Variants in USP37 observed in about 807,000 individuals in gnomAD.
USP37 encodes the protein ubiquitin specific peptidase 37.
A neutral mutation model predicts 124.0 loss-of-function variants in USP37; 27 were observed. The observed-to-expected ratio is 0.22, with a 90% CI of 0.16 to 0.30. The LOEUF (loss-of-function observed/expected upper bound fraction) is 0.30, where lower values mean the gene tolerates loss of function less well. Among genes scored for constraint, USP37 ranks in the 10% least tolerant of loss-of-function variants. The pLI is 1.00. For missense variants in USP37, 889 were observed against 1,140.4 expected (o/e 0.78, Z 3.17); for synonymous variants, 365 against 388.0 (o/e 0.94, Z 0.70).
At chr2:218,531,639 G>A (rs1691334007) in intron 9 of USP37, among the ~76,000 whole-genome samples, 2 of 152,182 alleles carry the variant, frequency 1.3e-5, no homozygotes, top group South Asian at 4.1e-4. Context: ...GATGGAGCTA[G>A]GCAAAGTGAA....
At chr2:218,565,860 C>T (rs541165788) in intron 1 of USP37, among the ~76,000 whole-genome samples, 1 of 152,180 alleles carries the variant, frequency 6.6e-6, no homozygotes, top group South Asian at 2.1e-4. Context: ...ACCAGCCTGG[C>T]CAACATGGTG....
At chr2:218,537,002 C>A (rs1249413537) in intron 8 of USP37, among the ~76,000 whole-genome samples, 1 of 152,034 alleles carries the variant, frequency 6.6e-6, no homozygotes, top group African/African-American at 2.4e-5. Flanking sequence ...CACAATAGAT[C>A]GTATTGGGGT....
chr2:218,493,210 T>C (rs1365717477), intron 14 of USP37, among the ~76,000 whole-genome samples: 1 of 152,156 alleles, frequency 6.6e-6, no homozygotes, highest in Non-Finnish European at 1.5e-5. Context: ...GTAATGTGTG[T>C]GGAATCTTCC....
chr2:218,510,295 C>T (rs514356), intron 10 of USP37, among the ~76,000 whole-genome samples, 155 bp from the exon 11 acceptor site: 100,814 of 152,096 alleles, frequency 0.66, 33,852 homozygotes, highest in East Asian at 0.9. Context: ...ACTCTACAAA[C>T]GTAAATTAGC....
intron 10 of USP37, among the ~76,000 whole-genome samples, chr2:218,512,740 T>G (rs997357490): frequency 2.0e-5 from 3 of 152,162 alleles, no homozygotes; most frequent in African/African-American, 7.2e-5. Context: ...TACAAACCCC[T>G]AAATATTGTA....
intron 11 of USP37, among the ~76,000 whole-genome samples, chr2:218,501,496 A>G (rs543918356): frequency 1.6e-4 from 24 of 152,302 alleles, no homozygotes; most frequent in African/African-American, 5.8e-4. Flanking sequence ...ACTATAAACA[A>G]TGAGAAAACT....
At chr2:218,469,811 A>T (rs538260262) in intron 20 of USP37, among the ~76,000 whole-genome samples, 53 of 129,680 alleles carry the variant, frequency 4.1e-4, no homozygotes, top group African/African-American at 1.3e-3. Flanking sequence ...TTAACTCAAC[A>T]TTCTTTTTTT....
rs74426447 is a variant in USP37 at position 218,534,931 on chromosome 2, C to T, written c.681-225G>A. On this transcript the variant is annotated intron_variant, in intron 8 of 25. Coordinates refer to ENST00000258399, the MANE Select transcript of USP37 (RefSeq NM_020935.3). ...TCTCAAGAGCCAATCCAATCCATGACTCTGATAACTTAGCAAAAGTAAAGG... is the reference window on the plus strand; with the variant it reads ...TCTCAAGAGCCAATCCAATCCATGATTCTGATAACTTAGCAAAAGTAAAGG... Among the ~76,000 whole-genome samples the T allele has an allele frequency of 1.4e-4, 22 of 152,238 alleles. No homozygotes were observed. The East Asian group carries it at 3.9e-3, about 27-fold the overall frequency.
rs1174095792 is a variant in USP37 at position 218,453,246 on chromosome 2, G to A, written c.*1684C>T. 3 of 151,270 alleles carry A rather than the reference G, an allele frequency of 2.0e-5. No individual in the cohort carries two copies. Among genetic ancestry groups the A allele is most frequent in the African/African-American group, 7.4e-5 (3 of 40,814 alleles). 9.4% of individuals were successfully genotyped at this position (151,270 alleles called of 1,614,324 possible). ...GTTGCATCTTCTGTGATGATGGTTT[G>A]TGTTTTTTTTGTTTTTGTTTTCGTT... On this transcript the variant is annotated 3_prime_UTR_variant, in exon 26 of 26. Coordinates refer to ENST00000258399, the MANE Select transcript of USP37 (RefSeq NM_020935.3).
chr2:218,558,364 TTAA>T (rs1416679373), intron 4 of USP37, 131 bp downstream of exon 4: 1 of 801,756 alleles, frequency 1.2e-6, no homozygotes, highest in Non-Finnish European at 1.9e-6. Context: ...CATAAAAATA[TTAA>T]TGTCCTAGAA....
chr2:218,477,625 T>C (rs1691048074), intron 18 of USP37, among the ~76,000 whole-genome samples: 1 of 152,200 alleles, frequency 6.6e-6, no homozygotes, highest in Non-Finnish European at 1.5e-5. Context: ...ACAAGAACTA[T>C]AAAGTCATTT....
intron 10 of USP37, among the ~76,000 whole-genome samples, chr2:218,520,506 C>A (rs554357815): frequency 6.6e-6 from 1 of 151,984 alleles, no homozygotes; most frequent in Admixed American, 6.6e-5. Flanking sequence ...TACGCCACCA[C>A]GCCCAGCTAA....
chr2:218,464,875 G>T (rs900627499), intron 21 of USP37, among the ~76,000 whole-genome samples: 1 of 152,156 alleles, frequency 6.6e-6, no homozygotes, highest in Non-Finnish European at 1.5e-5. Context: ...TTAAGCCCAG[G>T]AGTTTGAGAC....
chr2:218,565,576 AGT>A (rs1245603551), intron 1 of USP37, among the ~76,000 whole-genome samples: 1 of 152,248 alleles, frequency 6.6e-6, no homozygotes, highest in Non-Finnish European at 1.5e-5. Flanking sequence ...CAGAATGAAA[AGT>A]GTTTGTCATG....
Position 218,452,156 on chromosome 2 carries a change from G to A in USP37, c.*2774C>T, listed in dbSNP as rs1343346281. ...AAATTCCAACAAAGATCAAAAGGTT[G>A]TATCTAGAACTAATTGCCATCAAGT... On this transcript the variant is annotated 3_prime_UTR_variant, in exon 26 of 26. Coordinates refer to ENST00000258399, the MANE Select transcript of USP37 (RefSeq NM_020935.3). 7 of 152,194 alleles carry A rather than the reference G, an allele frequency of 4.6e-5. No homozygotes were observed. The highest frequency in any genetic ancestry group is 1.0e-4 in the Non-Finnish European group (7 of 68,034). The allele number at this position is 152,194 out of a possible 1,614,324, so 9.4% of individuals were successfully genotyped here.
At position 218,549,863 on chromosome 2, in the gene USP37, G is replaced by T. The variant is rs1313360605; in HGVS notation, c.375C>A (p.Gly125=). 1.4e-5 allele frequency: 22 copies of T among 1,612,882 alleles called. No individual in the cohort carries two copies. Among genetic ancestry groups the T allele is most frequent in the Non-Finnish European group, 1.8e-5 (21 of 1,179,572 alleles). The change falls in exon 6 of 26, where the codon GGC becomes GGA. Residue 125 remains glycine (G), a synonymous_variant. Transcript: ENST00000258399. ...QGSGSFGAIL[G]SRTSQKETSR... is the part of the protein sequence containing the mutation. ...TGGTTTCCTTCTGTGAGGTCCTGCT[G>T]CCCAGAATGGCTCCAAAACTACCAG... is the stretch of plus-strand genomic sequence containing the variant.
At chr2:218,479,027 CAACT>C (rs746734462) in intron 18 of USP37, among the ~76,000 whole-genome samples, 2 of 152,056 alleles carry the variant, frequency 1.3e-5, no homozygotes, top group Non-Finnish European at 2.9e-5. Context: ...AGTCAAACGA[CAACT>C]AAATCAATTG....
At chr2:218,555,781 C>T (rs534488516) in intron 4 of USP37, among the ~76,000 whole-genome samples, 2 of 152,254 alleles carry the variant, frequency 1.3e-5, no homozygotes, top group South Asian at 2.1e-4. Context: ...CCTCAGATAA[C>T]TCATCTCTCC....
At chr2:218,546,096 A>G in intron 8 of USP37, 125 bp downstream of exon 8, 1 of 781,728 alleles carries the variant, frequency 1.3e-6, no homozygotes, top group Non-Finnish European at 2.0e-6. Context: ...ACTACTTTAC[A>G]TTCTGCTCTT....
Sources: gnomAD v4.1 joint callset for allele counts (sites outside exome capture counted in the v4.1 genomes callset) on GRCh38, gnomAD v4.1.1 for gene constraint, MANE v1.5 for transcripts, NCBI Gene and HGNC (gene_info 2026-07-23, HGNC 2026-07-21) for gene names.